The following LRP1B variants were observed in gnomAD, a reference collection of about 807,000 sequenced individuals.
LRP1B encodes the protein LDL receptor related protein 1B, also known as low-density lipoprotein receptor-related protein 1B.
In LRP1B, 217 loss-of-function variants were observed where a neutral mutation model predicts 556.6. That is an observed-to-expected ratio of 0.39 (90% confidence interval 0.35 to 0.44). The LOEUF is 0.44. Among genes scored for constraint, LRP1B ranks in the 20% least tolerant of loss-of-function variants. The pLI, the probability that LRP1B is intolerant of heterozygous loss-of-function variation, is 1.00. For synonymous variants in LRP1B, 2,047 were observed against 1,865.8 expected (o/e 1.10, Z -2.50); for missense variants, 5,053 against 5,620.8 (o/e 0.90, Z 3.23).
At chr2:141,246,533 TATAA>T (rs1684074632) in intron 5 of LRP1B, among the ~76,000 whole-genome samples, 1 of 152,200 alleles carries the variant, frequency 6.6e-6, no homozygotes, top group African/African-American at 2.4e-5. Context: ...CACTTTATTA[TATAA>T]ATAATTAATT....
At chr2:141,035,821 T>C (rs1404787093) in intron 11 of LRP1B, among the ~76,000 whole-genome samples, 2 of 152,150 alleles carry the variant, frequency 1.3e-5, no homozygotes, top group East Asian at 1.9e-4. Context: ...AAAATGCCTT[T>C]ATGTGTAAAC....
chr2:141,155,554 T>C (rs1207029312), intron 7 of LRP1B, among the ~76,000 whole-genome samples: 1 of 151,924 alleles, frequency 6.6e-6, no homozygotes, highest in African/African-American at 2.4e-5. Context: ...GGTATATATG[T>C]GCCATGGTGG....
At chr2:140,951,167 A>C (rs1695703652) in intron 19 of LRP1B, among the ~76,000 whole-genome samples, 1 of 152,088 alleles carries the variant, frequency 6.6e-6, no homozygotes, top group Admixed American at 6.6e-5. Flanking sequence ...TTCTATCTTC[A>C]ATATCCTCCC....
chr2:141,998,613 A>T (rs1359178086), intron 1 of LRP1B, among the ~76,000 whole-genome samples: 1 of 152,206 alleles, frequency 6.6e-6, no homozygotes, highest in Non-Finnish European at 1.5e-5. Context: ...TAGCCTCAGG[A>T]GGTCCTGACA....
chr2:140,984,224 A>G (rs1488961721), intron 17 of LRP1B, among the ~76,000 whole-genome samples: 4 of 151,888 alleles, frequency 2.6e-5, no homozygotes, highest in Non-Finnish European at 4.4e-5. Context: ...TTTATCTTTT[A>G]AGAGAAATTT....
chr2:141,889,131 C>T (rs12618005), intron 1 of LRP1B, among the ~76,000 whole-genome samples: 66,010 of 151,720 alleles, frequency 0.44, 14,566 homozygotes, highest in Admixed American at 0.51. Flanking sequence ...TTCACAGACA[C>T]CAAAAGTCCC....
intron 5 of LRP1B, among the ~76,000 whole-genome samples, chr2:141,237,358 T>G (rs1161375614): frequency 3.3e-5 from 5 of 151,030 alleles, no homozygotes; most frequent in Non-Finnish European, 7.4e-5. Context: ...CTAGTGTTTT[T>G]TTTTTTTTTT....
In LRP1B at chr2:140,371,370, A is replaced by C. The variant is rs757405032; in HGVS notation, c.10769-85T>G. ...AAAACATAAACACATAAATATATGA[A>C]TTTATAGATGGTAATAAAAATAGTT... On this transcript the variant is annotated intron_variant, in intron 69 of 90. Transcript: ENST00000389484. 52 of 576,478 alleles carry C rather than the reference A, an allele frequency of 9.0e-5. 1 individual carries two copies. The highest frequency in any genetic ancestry group is 4.1e-5 in the Non-Finnish European group (14 of 340,476). The allele number at this position is 576,478 out of a possible 1,614,324, so 35.7% of individuals were successfully genotyped here. A position where few individuals can be genotyped will look rare whatever the true frequency, so the allele number is the denominator to read the frequency against.
At chr2:142,024,259 T>C (rs541843803) in intron 1 of LRP1B, among the ~76,000 whole-genome samples, 1 of 152,356 alleles carries the variant, frequency 6.6e-6, no homozygotes, top group South Asian at 2.1e-4. Flanking sequence ...CTGTCCTCTC[T>C]ATTCTGGCAG....
chr2:140,254,698 C>T (rs928983650), intron 86 of LRP1B, among the ~76,000 whole-genome samples: 1 of 152,064 alleles, frequency 6.6e-6, no homozygotes, highest in Non-Finnish European at 1.5e-5. Context: ...GGATTACAGG[C>T]ACTTGCCACC....
At chr2:141,410,062 C>T (rs937805516) in intron 3 of LRP1B, among the ~76,000 whole-genome samples, 7 of 151,930 alleles carry the variant, frequency 4.6e-5, no homozygotes, top group South Asian at 2.1e-4. Context: ...AGAGAAAAAA[C>T]GTATAAGCAG....
intron 10 of LRP1B, among the ~76,000 whole-genome samples, chr2:141,052,019 G>T (rs1365953145): frequency 6.6e-6 from 1 of 151,670 alleles, no homozygotes; most frequent in Non-Finnish European, 1.5e-5. Context: ...ATTATCTTAA[G>T]CCTTGTTTCT....
chr2:142,039,910 A>G lies in LRP1B; in HGVS notation c.82+90738T>C, dbSNP rs149491152. On this transcript the variant is annotated intron_variant, in intron 1 of 90. Coordinates refer to ENST00000389484, the MANE Select transcript of LRP1B (RefSeq NM_018557.3). ...GAGAGGATGGTGTAGATTTTCATCA[A>G]TCAATTAAGCAGCACCATTTTAAGA... Among the ~76,000 whole-genome samples the G allele has an allele frequency of 4.2e-3, 635 of 150,826 alleles. 5 individuals carry two copies. The highest frequency in any genetic ancestry group is 0.015 in the African/African-American group (602 of 41,200).
chr2:141,978,669 G>A lies in LRP1B; in HGVS notation c.82+151979C>T, dbSNP rs1574554318. On this transcript the variant is annotated intron_variant, in intron 1 of 90. Transcript: ENST00000389484. ...TTTAATGTATATCTCAAAATACCCA[G>A]TGAGATGAGACTGTGTGGAATATAA... is the stretch of plus-strand genomic sequence containing the variant. Among the ~76,000 whole-genome samples the A allele has an allele frequency of 2.0e-5, 3 of 152,032 alleles. No homozygotes were observed. The East Asian group carries it at 5.8e-4, about 29-fold the overall frequency.
chr2:140,333,087 C>G (rs1680894210), intron 79 of LRP1B, among the ~76,000 whole-genome samples: 1 of 151,994 alleles, frequency 6.6e-6, no homozygotes, highest in African/African-American at 2.4e-5. Flanking sequence ...TTCTATGCTT[C>G]TGGGCATACT....
At chr2:141,982,207 T>C (rs563872131) in intron 1 of LRP1B, among the ~76,000 whole-genome samples, 1 of 152,294 alleles carries the variant, frequency 6.6e-6, no homozygotes, top group Admixed American at 6.5e-5. Flanking sequence ...GTGGAGACAA[T>C]GTCTTAAGGC....
chr2:140,343,343 T>C (rs1368216305), intron 77 of LRP1B, among the ~76,000 whole-genome samples: 1 of 151,588 alleles, frequency 6.6e-6, no homozygotes, highest in African/African-American at 2.4e-5. Context: ...TGAAAGTACT[T>C]ATTCAAAATT....
intron 35 of LRP1B, among the ~76,000 whole-genome samples, chr2:140,749,677 T>C (rs187782081): frequency 6.6e-6 from 1 of 152,274 alleles, no homozygotes; most frequent in Admixed American, 6.5e-5. Flanking sequence ...ATGATAACAA[T>C]GCCTTCTTCT....
chr2:141,030,985 C>T (rs1030467457), intron 11 of LRP1B, among the ~76,000 whole-genome samples: 9 of 151,752 alleles, frequency 5.9e-5, no homozygotes, highest in Non-Finnish European at 1.2e-4. Flanking sequence ...TATAAGAGAA[C>T]ATTTCTTAAT....
Sources: allele counts gnomAD v4.1 joint callset (sites outside exome capture counted in the v4.1 genomes callset), GRCh38; gene constraint gnomAD v4.1.1; transcripts MANE v1.5; gene names NCBI Gene and HGNC (gene_info 2026-07-23, HGNC 2026-07-21).